The following SCAP variants were observed in gnomAD, a reference collection of about 807,000 sequenced individuals.
The protein encoded by SCAP is sterol regulatory element-binding protein cleavage-activating protein.
Under a neutral mutation model 123.6 loss-of-function variants are expected in SCAP, and 65 were observed. The observed-to-expected ratio is 0.53, with a 90% CI of 0.43 to 0.65. The LOEUF (loss-of-function observed/expected upper bound fraction) is 0.65. SCAP is among the 30% of genes least tolerant of loss of function. The pLI is 0.00. For synonymous variants in SCAP, 740 were observed against 726.3 expected (o/e 1.02, Z -0.30); for missense variants, 1,398 against 1,712.5 (o/e 0.82, Z 3.24).
In SCAP at chr3:47,420,782, G is replaced by C. The variant is rs754498869; in HGVS notation, c.1345-10C>G. 5 of 1,609,638 alleles carry C rather than the reference G, an allele frequency of 3.1e-6. No homozygotes were observed. Among genetic ancestry groups the C allele is most frequent in the Non-Finnish European group, 4.2e-6 (5 of 1,178,898 alleles). On this transcript the variant is annotated splice_polypyrimidine_tract_variant and intron_variant, in intron 11 of 22. Coordinates refer to ENST00000265565, the MANE Select transcript of SCAP (RefSeq NM_012235.4). The surrounding 1 kb of genome is among the most constrained non-coding windows in gnomAD (Gnocchi z 5.0). Reference sequence around the variant, plus strand: ...TGTTCAGGTCTGCTAGCTGTTGGGGGCACAGTGGTCAGGGCCTGAGTCCAC... The same window carrying C: ...TGTTCAGGTCTGCTAGCTGTTGGGGCCACAGTGGTCAGGGCCTGAGTCCAC...
At position 47,417,414 on chromosome 3, in the gene SCAP, C is replaced by T. The variant is rs749756737; in HGVS notation, c.2860G>A (p.Glu954Lys). ...QAPEDEGGSP[E>K]KGSPSLAWAP... is the part of the protein sequence containing the mutation. ...CAGGCGAGGGAAGGGGAGCCTTTCT[C>T]GGGGGAGCCACCCTCGTCCTCAGGG... Residue 954 changes from glutamate (E) to lysine (K), a missense_variant, in exon 17 of 23, where the codon GAG becomes AAG. Around this residue, in one of 7 missense-constraint regions of SCAP, gnomAD observed 828 missense variants for 882.5 expected, o/e 0.94. Coordinates refer to ENST00000265565, the MANE Select transcript of SCAP (RefSeq NM_012235.4). 52 of 1,572,386 alleles carry T rather than the reference C, an allele frequency of 3.3e-5. No individual in the cohort carries two copies. The highest frequency in any genetic ancestry group is 2.6e-4 in the African/African-American group (19 of 73,638).
rs1381512816 is a variant in SCAP, at chr3:47,417,313, G to A, written c.2961C>T (p.Gly987=). The stretch of plus-strand genomic sequence containing the variant: ...TAGCCCCTCTGCCCACCTCCAGCCG[G>A]CCGCTGCTCCGCCCCACCACGATGA... ...GNLIVVGRSS[G]RLEVWDAIEG... The change falls in exon 17 of 23, where the codon GGC becomes GGT. Residue 987 remains glycine, a synonymous_variant. Transcript: ENST00000265565. 1.9e-6 allele frequency: 3 copies of A among 1,611,932 alleles called. No individual in the cohort carries two copies. The highest frequency in any genetic ancestry group is 2.7e-5 in the African/African-American group (2 of 74,894).
At chr3:47,451,231 T>C (rs1284976641) in intron 1 of SCAP, among the ~76,000 whole-genome samples, 1 of 123,200 alleles carries the variant, frequency 8.1e-6, no homozygotes, top group Non-Finnish European at 1.8e-5. Context: ...CTCCATGAAT[T>C]ACCACCAAGT....
rs1052455324 is a variant in SCAP at position 47,447,713 on chromosome 3, A to G, written c.-98-4622T>C. Among the ~76,000 whole-genome samples, 4 of 151,600 alleles carry G rather than the reference A, an allele frequency of 2.6e-5. No homozygotes were observed. In the South Asian group the frequency reaches 8.3e-4, roughly 32 times the overall value. On this transcript the variant is annotated intron_variant, in intron 1 of 22. Coordinates refer to ENST00000265565, the MANE Select transcript of SCAP (RefSeq NM_012235.4). ...CAAAAAAAAAAAGAAAAGAAAAGAAAAAAGAAAAAAAGGCCAGGTGTGGTG... is the reference window on the plus strand; with the variant it reads ...CAAAAAAAAAAAGAAAAGAAAAGAAGAAAGAAAAAAAGGCCAGGTGTGGTG...
Position 47,427,629 on chromosome 3 carries a change from A to G in SCAP, c.449T>C (p.Val150Ala), listed in dbSNP as rs113909034. ...CCTAAGGCCTGGCAGCAGGTCGGTC[A>G]CTTGCAGACACAACTCCTCCAAGCT... ...IRSLEELCLQ[V>A]TDLLPGLRKL... Residue 150 changes from valine (V) to alanine (A), a missense_variant, in exon 5 of 23, where the codon GTG becomes GCG. Coordinates refer to ENST00000265565, the MANE Select transcript of SCAP (RefSeq NM_012235.4). 4 of 1,614,026 alleles carry G rather than the reference A, an allele frequency of 2.5e-6. No homozygotes were observed. The highest frequency in any genetic ancestry group is 1.3e-5 in the African/African-American group (1 of 74,940).
chr3:47,421,151 A>G, intron 10 of SCAP, 122 bp from the exon 11 acceptor site: 1 of 743,118 alleles, frequency 1.3e-6, no homozygotes, highest in Non-Finnish European at 2.4e-6. Context: ...AGGGCACAGC[A>G]GAGATGAGAG....
Position 47,419,791 on chromosome 3 carries a change from G to A in SCAP, c.1564-87C>T. The A allele has an allele frequency of 4.8e-6, 7 of 1,451,744 alleles. No individual in the cohort carries two copies. The highest frequency in any genetic ancestry group is 6.4e-6 in the Non-Finnish European group (7 of 1,089,132). 89.9% of individuals were successfully genotyped at this position (1,451,744 alleles called of 1,614,324 possible). The stretch of plus-strand genomic sequence containing the variant: ...CCTCATGCTGAGAGGAAGCAGCACA[G>A]GGACCTCAGGCCTGGGGATGGAGAG... On this transcript the variant is annotated intron_variant, in intron 12 of 22. Transcript: ENST00000265565. The surrounding 1 kb of genome is among the most constrained non-coding windows in gnomAD (Gnocchi z 5.0).
chr3:47,416,202 G>A (rs991378146), intron 18 of SCAP, among the ~76,000 whole-genome samples: 5 of 152,246 alleles, frequency 3.3e-5, no homozygotes, highest in Admixed American at 6.5e-5. Context: ...GGCAGGCAAA[G>A]GCGTCCGGCA....
At position 47,459,080 on chromosome 3, in the gene SCAP, C is replaced by T. The variant is rs143528422; in HGVS notation, c.-98-15989G>A. Among the ~76,000 whole-genome samples the T allele has an allele frequency of 2.0e-5, 3 of 152,332 alleles. No homozygotes were observed. The East Asian group carries it at 5.8e-4, about 29-fold the overall frequency. On this transcript the variant is annotated intron_variant, in intron 1 of 22. Transcript: ENST00000265565. The stretch of plus-strand genomic sequence containing the variant: ...TTGGCCTCCCAAAGTACTGGGATTA[C>T]AGGTGTGAGCCACCGTACCCAGCCA...
At chr3:47,425,253 T>C (rs1706073998) in intron 8 of SCAP, 1 of 513,382 alleles carries the variant, frequency 1.9e-6, no homozygotes, top group Non-Finnish European at 3.4e-6. Flanking sequence ...CCCACAAATA[T>C]GCACTTTTGT....
intron 2 of SCAP, among the ~76,000 whole-genome samples, chr3:47,437,777 T>C (rs574819369): frequency 3.5e-4 from 53 of 152,214 alleles, no homozygotes; most frequent in African/African-American, 1.2e-3. Context: ...GATAATTGTT[T>C]TTAATTAAAA....
At chr3:47,428,971 C>G in intron 3 of SCAP, 1 of 319,322 alleles carries the variant, frequency 3.1e-6, no homozygotes, top group Non-Finnish European at 5.8e-6. Flanking sequence ...TTTCCACTGC[C>G]ATGTTTCATA....
At position 47,418,769 on chromosome 3, in the gene SCAP, G is replaced by A. The variant is rs1184648276; in HGVS notation, c.2015C>T (p.Pro672Leu). 1.9e-6 allele frequency: 3 copies of A among 1,577,372 alleles called. No homozygotes were observed. Among genetic ancestry groups the A allele is most frequent in the Non-Finnish European group, 2.6e-6 (3 of 1,165,930 alleles). ...NPREALEGRH[P>L]QDGRSAWPPP... is the part of the protein sequence containing the mutation. ...GGGCCAGGCACTGCGGCCGTCCTGA[G>A]GGTGCCGGCCCTCCAGAGCCTCCCT... The change falls in exon 14 of 23, where the codon CCT becomes CTT. Residue 672 changes from proline to leucine, a missense_variant. Physicochemically the swap from Pro to Leu is moderately conservative, Grantham distance 98. This residue lies in a region of SCAP where 828 missense variants were observed against 882.5 expected (regional missense o/e 0.94). Coordinates refer to ENST00000265565, the MANE Select transcript of SCAP (RefSeq NM_012235.4).
chr3:47,444,457 G>C (rs775264147), intron 1 of SCAP, among the ~76,000 whole-genome samples: 1 of 152,278 alleles, frequency 6.6e-6, no homozygotes, highest in South Asian at 2.1e-4. Context: ...AAGCGCACAT[G>C]CAAGTTTCCA....
chr3:47,467,327 C>T lies in SCAP; in HGVS notation c.-99+8472G>A, dbSNP rs7611273. Among the ~76,000 whole-genome samples, 324 of 151,996 alleles carry T rather than the reference C, an allele frequency of 2.1e-3. 2 individuals are homozygous for T. Among genetic ancestry groups the T allele is most frequent in the African/African-American group, 7.1e-3 (295 of 41,474 alleles). On this transcript the variant is annotated intron_variant, in intron 1 of 22. Transcript: ENST00000265565. ...TTTCTCTAAAGAAGATATACAGGCT[C>T]GGTGGGGTGGCTCATGCCTGTAATC...
intron 1 of SCAP, among the ~76,000 whole-genome samples, chr3:47,470,426 G>C (rs768840956): frequency 2.0e-5 from 3 of 152,158 alleles, no homozygotes; most frequent in Non-Finnish European, 2.9e-5. Flanking sequence ...GTGAGATGTG[G>C]GACTGGTAAA....
chr3:47,417,473 C>T lies in SCAP; in HGVS notation c.2801G>A (p.Arg934His), dbSNP rs749766376. Residue 934 changes from arginine to histidine, a missense_variant, in exon 17 of 23, where the codon CGC becomes CAC. By Grantham distance (29) the Arg-to-His change is conservative (BLOSUM62 0). Coordinates refer to ENST00000265565, the MANE Select transcript of SCAP (RefSeq NM_012235.4). ...CAGCACCGGCCCAGGCGAGGGTGGGCGCAGGGCTGGTGTGCAGACGGCCGC... is the reference window on the plus strand; with the variant it reads ...CAGCACCGGCCCAGGCGAGGGTGGGTGCAGGGCTGGTGTGCAGACGGCCGC... ...GLAAVCTPAL[R>H]PPSPGPVLSQ... 55 of 1,550,460 alleles carry T rather than the reference C, an allele frequency of 3.5e-5. No homozygotes were observed. Among genetic ancestry groups the T allele is most frequent in the East Asian group, 9.8e-5 (4 of 40,926 alleles).
At chr3:47,426,236 C>A in intron 6 of SCAP, 67 bp from the exon 7 acceptor site, 1 of 1,504,520 alleles carries the variant, frequency 6.6e-7, no homozygotes, top group East Asian at 2.4e-5. Flanking sequence ...AAGACAATCC[C>A]CGGACAGAGG....
Position 47,425,654 on chromosome 3 carries a change from C to T in SCAP, c.911-43G>A, listed in dbSNP as rs781725132. On this transcript the variant is annotated intron_variant, in intron 7 of 22. Transcript: ENST00000265565. ...CGTATCAGGGCGGCCCCTCCCCCAG[C>T]CCCCGGCCCACTGGGGCTCCCGGGA... The T allele has an allele frequency of 3.6e-5, 57 of 1,603,482 alleles. No individual in the cohort carries two copies. The Middle Eastern group carries it at 8.3e-4, about 23-fold the overall frequency.
Sources: allele counts gnomAD v4.1 joint callset (sites outside exome capture counted in the v4.1 genomes callset), GRCh38; gene constraint gnomAD v4.1.1; regional missense constraint gnomAD v4.1.1; non-coding constraint Gnocchi (gnomAD v3.1); transcripts MANE v1.5; gene names NCBI Gene and HGNC (gene_info 2026-07-23, HGNC 2026-07-21).